Variants in GHR observed in about 807,000 individuals in gnomAD.
GHR encodes the protein growth hormone receptor, also known as GH receptor.
GHR carries 35 observed loss-of-function variants against 67.1 expected under a neutral mutation model. That is an observed-to-expected ratio of 0.52 (90% CI 0.40 to 0.69). GHR has a LOEUF of 0.69. Ranked by LOEUF, GHR falls within the 30% of genes least tolerant of loss-of-function variation. The pLI is 0.00. For missense variants in GHR, 792 were observed against 764.6 expected (o/e 1.04, Z -0.42); for synonymous variants, 272 against 269.1 (o/e 1.01, Z -0.10).
At chr5:42,617,822 A>G (rs1184732447) in intron 2 of GHR, among the ~76,000 whole-genome samples, 1 of 152,134 alleles carries the variant, frequency 6.6e-6, no homozygotes, top group Admixed American at 6.5e-5. Flanking sequence ...TCATATTGTC[A>G]TCACATTAAA....
At chr5:42,554,502 A>T (rs1231822430) in intron 1 of GHR, among the ~76,000 whole-genome samples, 1 of 152,204 alleles carries the variant, frequency 6.6e-6, no homozygotes, top group Non-Finnish European at 1.5e-5. Flanking sequence ...CTTGCAAAAT[A>T]ACTGTATGAA....
chr5:42,466,819 A>G (rs1289450329), intron 1 of GHR: 1 of 1,133,150 alleles, frequency 8.8e-7, no homozygotes. Context: ...AGAAAACAGC[A>G]AAGAGGTGTC....
rs78990680 is a variant in GHR, at chr5:42,599,314, G to A, written c.71-29724G>A. ...ACAGAAGTCATAAACTGATATCCGT[G>A]AGCCAAATCTAGCTCATGGGCATGT... On this transcript the variant is annotated intron_variant, in intron 2 of 9. Coordinates refer to ENST00000230882, the MANE Select transcript of GHR (RefSeq NM_000163.5). Among the ~76,000 whole-genome samples, 54 of 151,110 alleles carry A rather than the reference G, an allele frequency of 3.6e-4. 1 individual carries two copies. The East Asian group carries it at 8.0e-3, about 22-fold the overall frequency.
chr5:42,661,334 A>G (rs1419088688), intron 3 of GHR, among the ~76,000 whole-genome samples: 1 of 152,218 alleles, frequency 6.6e-6, no homozygotes, highest in Non-Finnish European at 1.5e-5. Flanking sequence ...GAAGGAAAAA[A>G]TGTTCAGGGC....
chr5:42,591,531 C>A (rs1751776215), intron 2 of GHR, among the ~76,000 whole-genome samples: 1 of 152,194 alleles, frequency 6.6e-6, no homozygotes, highest in Admixed American at 6.5e-5. Context: ...GGAAATCTAT[C>A]AACGACTGTT....
rs1406804453 is a variant in GHR, at chr5:42,718,556, T to C, written c.1049T>C (p.Ile350Thr). 1 of 1,614,080 alleles carries C rather than the reference T, an allele frequency of 6.2e-7. No individual in the cohort carries two copies. The highest frequency in any genetic ancestry group is 2.2e-5 in the East Asian group (1 of 44,876). ...DSWVEFIELD[I>T]DEPDEKTEES... ...TGGGTTGAATTTATTGAGCTAGATATTGATGAGCCAGATGAAAAGACTGAG... is the reference window on the plus strand; with the variant it reads ...TGGGTTGAATTTATTGAGCTAGATACTGATGAGCCAGATGAAAAGACTGAG... Residue 350 changes from isoleucine (I) to threonine (T), a missense_variant, in exon 10 of 10, where the codon ATT becomes ACT. Transcript: ENST00000230882.
intron 3 of GHR, among the ~76,000 whole-genome samples, chr5:42,675,224 G>T (rs757561031): frequency 6.6e-6 from 1 of 152,034 alleles, no homozygotes; most frequent in Non-Finnish European, 1.5e-5. Flanking sequence ...TCTTCTTCAG[G>T]GTAGTAAGTT....
intron 3 of GHR, among the ~76,000 whole-genome samples, chr5:42,632,067 C>A (rs1414215453): frequency 6.6e-6 from 1 of 152,152 alleles, no homozygotes; most frequent in Non-Finnish European, 1.5e-5. Context: ...CCCCTGCCAA[C>A]AATAATTTTC....
At chr5:42,678,968 A>G (rs1756701514) in intron 3 of GHR, among the ~76,000 whole-genome samples, 1 of 147,142 alleles carries the variant, frequency 6.8e-6, no homozygotes, top group East Asian at 1.9e-4. Flanking sequence ...AAATGTAAAT[A>G]TATATTTATA....
At chr5:42,617,951 T>A (rs35991151) in intron 2 of GHR, among the ~76,000 whole-genome samples, 2,038 of 152,240 alleles carry the variant, frequency 0.013, 35 homozygotes, top group African/African-American at 0.047. Flanking sequence ...AACAATGTTG[T>A]GTGATTTGAT....
At chr5:42,455,231 T>A (rs1744211864) in intron 1 of GHR, among the ~76,000 whole-genome samples, 1 of 152,174 alleles carries the variant, frequency 6.6e-6, no homozygotes, top group Non-Finnish European at 1.5e-5. Context: ...AACTCATTGC[T>A]TTTTGCCTGT....
intron 3 of GHR, among the ~76,000 whole-genome samples, chr5:42,679,469 A>T (rs893902263): frequency 6.6e-6 from 1 of 151,826 alleles, no homozygotes; most frequent in South Asian, 2.1e-4. Context: ...TACTAAAAAT[A>T]TAAAAATTAG....
intron 1 of GHR, among the ~76,000 whole-genome samples, chr5:42,461,944 C>T (rs1452861809): frequency 3.9e-5 from 6 of 152,192 alleles, no homozygotes; most frequent in Non-Finnish European, 5.9e-5. Context: ...CTCTGGCAGA[C>T]CCCTCCAAGT....
chr5:42,588,664 T>C (rs1751621479), intron 2 of GHR, among the ~76,000 whole-genome samples: 1 of 152,166 alleles, frequency 6.6e-6, no homozygotes, highest in Non-Finnish European at 1.5e-5. Context: ...AATGAGATCT[T>C]TCTGACTGGA....
chr5:42,517,392 C>T (rs369990096), intron 1 of GHR, among the ~76,000 whole-genome samples: 1 of 152,094 alleles, frequency 6.6e-6, no homozygotes, highest in African/African-American at 2.4e-5. Context: ...ATGACTATAA[C>T]CTCTGGGCCT....
At chr5:42,513,192 C>G (rs1579847692) in intron 1 of GHR, among the ~76,000 whole-genome samples, 1 of 152,286 alleles carries the variant, frequency 6.6e-6, no homozygotes, top group East Asian at 1.9e-4. Flanking sequence ...GATGCTTTGA[C>G]ACAAAGAAAT....
intron 3 of GHR, among the ~76,000 whole-genome samples, chr5:42,657,803 T>C (rs1210447404): frequency 2.0e-5 from 3 of 152,174 alleles, no homozygotes; most frequent in African/African-American, 7.2e-5. Context: ...TTTTCTTGCT[T>C]TTATAGTGGA....
chr5:42,505,569 G>A (rs904351441), intron 1 of GHR, among the ~76,000 whole-genome samples: 1 of 152,142 alleles, frequency 6.6e-6, no homozygotes, highest in African/African-American at 2.4e-5. Flanking sequence ...CCAGGAAGGA[G>A]ACATTAGCTC....
intron 3 of GHR, among the ~76,000 whole-genome samples, chr5:42,645,260 C>T (rs1200490432): frequency 6.6e-6 from 1 of 152,162 alleles, no homozygotes; most frequent in Non-Finnish European, 1.5e-5. Flanking sequence ...GATCTCATTG[C>T]TTCTGTTATC....
Sources: allele counts gnomAD v4.1 joint callset (sites outside exome capture counted in the v4.1 genomes callset), GRCh38; gene constraint gnomAD v4.1.1; transcripts MANE v1.5; gene names NCBI Gene and HGNC (gene_info 2026-07-23, HGNC 2026-07-21).